Variants in SYT14 observed in about 807,000 individuals in gnomAD.
The protein encoded by SYT14 is synaptotagmin 14, also known as synaptotagmin-14.
In SYT14, 32 loss-of-function variants were observed where a neutral mutation model predicts 74.2. That is an observed-to-expected ratio of 0.43 (90% CI 0.33 to 0.58). SYT14 has a LOEUF of 0.58. SYT14 is among the 20% of genes least tolerant of loss of function. The pLI, the probability that SYT14 is intolerant of heterozygous loss-of-function variation, is 0.05. For synonymous variants in SYT14, 298 were observed against 337.7 expected (o/e 0.88, Z 1.29); for missense variants, 791 against 981.8 (o/e 0.81, Z 2.60).
intron 5 of SYT14, among the ~76,000 whole-genome samples, chr1:210,042,235 A>G (rs1004140966): frequency 1.2e-4 from 18 of 151,830 alleles, no homozygotes; most frequent in African/African-American, 4.1e-4. Context: ...TTACAAACAC[A>G]TTTCCTAAAA....
At chr1:210,039,389 T>G (rs749915359) in intron 5 of SYT14, among the ~76,000 whole-genome samples, 1 of 151,958 alleles carries the variant, frequency 6.6e-6, no homozygotes, top group Non-Finnish European at 1.5e-5. Context: ...CCAATCAAGA[T>G]GGATTAAAGA....
chr1:210,100,549 A>G, intron 7 of SYT14, 88 bp downstream of exon 6: 3 of 1,309,570 alleles, frequency 2.3e-6, no homozygotes, highest in Non-Finnish European at 3.3e-6. Context: ...CAAGCCAACA[A>G]GTTTGTCAGT....
chr1:209,975,292 A>G (rs942801357), intron 2 of SYT14, among the ~76,000 whole-genome samples: 2 of 152,204 alleles, frequency 1.3e-5, no homozygotes, highest in Non-Finnish European at 2.9e-5. Flanking sequence ...GTCAGTTTTC[A>G]AAGGGAATGC....
chr1:210,127,288 C>A (rs537509323), intron 7 of SYT14, among the ~76,000 whole-genome samples: 1 of 152,248 alleles, frequency 6.6e-6, no homozygotes, highest in African/African-American at 2.4e-5. Flanking sequence ...GTGGCTTGAG[C>A]AATCTATAAG....
intron 2 of SYT14, among the ~76,000 whole-genome samples, chr1:209,966,377 T>C (rs1328950883): frequency 3.3e-5 from 5 of 152,188 alleles, no homozygotes; most frequent in African/African-American, 4.8e-5. Flanking sequence ...AATAGCCTGG[T>C]GGAATTTTGG....
chr1:210,128,810 A>G (rs1033088599), intron 7 of SYT14, among the ~76,000 whole-genome samples: 1 of 152,234 alleles, frequency 6.6e-6, no homozygotes, highest in African/African-American at 2.4e-5. Context: ...TGATAGTAGC[A>G]TACACTAAAA....
chr1:210,073,804 T>A (rs2081438949), intron 5 of SYT14, among the ~76,000 whole-genome samples: 1 of 152,130 alleles, frequency 6.6e-6, no homozygotes, highest in East Asian at 1.9e-4. Flanking sequence ...TCTGTCTCTA[T>A]GTATATACAC....
At chr1:209,999,024 T>C (rs1309947259) in intron 2 of SYT14, among the ~76,000 whole-genome samples, 3 of 152,052 alleles carry the variant, frequency 2.0e-5, no homozygotes. Context: ...GGAGAAAATA[T>C]AAAGTATTAG....
At chr1:210,048,267 T>C (rs995184089) in intron 5 of SYT14, among the ~76,000 whole-genome samples, 1 of 152,204 alleles carries the variant, frequency 6.6e-6, no homozygotes, top group Non-Finnish European at 1.5e-5. Context: ...TCAAACCGAC[T>C]CCCACATCTT....
intron 5 of SYT14, among the ~76,000 whole-genome samples, chr1:210,064,627 T>A (rs1454415358): frequency 6.6e-6 from 1 of 152,090 alleles, no homozygotes; most frequent in Admixed American, 6.6e-5. Context: ...AATATTCTGC[T>A]GTATGTATAT....
chr1:210,061,219 A>G (rs2081202344), intron 5 of SYT14, among the ~76,000 whole-genome samples: 1 of 151,990 alleles, frequency 6.6e-6, no homozygotes. Flanking sequence ...TTGGTATGTC[A>G]GTAATACTGA....
chr1:210,092,579 C>G (rs944562471), intron 5 of SYT14, among the ~76,000 whole-genome samples: 1 of 152,208 alleles, frequency 6.6e-6, no homozygotes, highest in Non-Finnish European at 1.5e-5. Flanking sequence ...AATTAACTGC[C>G]TAAAACCACT....
rs192437738 is a variant in SYT14, at chr1:210,168,965, G to A, written c.*7923G>A. ...ACCCAAATGTCATTGCAATTCTAAT[G>A]GAGTAGAAGCCAGCTTCTTGGAAGT... is the stretch of plus-strand genomic sequence containing the variant. On this transcript the variant is annotated 3_prime_UTR_variant, in exon 10 of 10. Coordinates refer to ENST00000637265, the Ensembl canonical transcript of SYT14. The A allele has an allele frequency of 7.9e-5, 12 of 152,216 alleles. No homozygotes were observed. In the East Asian group the frequency reaches 2.3e-3, roughly 29 times the overall value. 9.4% of individuals were successfully genotyped at this position (152,216 alleles called of 1,614,324 possible).
intron 5 of SYT14, among the ~76,000 whole-genome samples, chr1:210,046,546 A>G (rs1187914805): frequency 6.6e-6 from 1 of 152,136 alleles, no homozygotes; most frequent in African/African-American, 2.4e-5. Flanking sequence ...CACCCTCAGT[A>G]TCAGGCAACC....
intron 5 of SYT14, among the ~76,000 whole-genome samples, chr1:210,026,070 C>T (rs1406252312): frequency 6.6e-6 from 1 of 151,206 alleles, no homozygotes; most frequent in Non-Finnish European, 1.5e-5. Flanking sequence ...GTTTTCTCCT[C>T]TAGGTGGCCA....
At chr1:209,966,857 A>G (rs1023072985) in intron 2 of SYT14, among the ~76,000 whole-genome samples, 1 of 152,192 alleles carries the variant, frequency 6.6e-6, no homozygotes, top group Non-Finnish European at 1.5e-5. Flanking sequence ...CTTCTAGTAC[A>G]ATGTTGAATA....
rs574968211 is a variant in SYT14, at chr1:210,112,052, G to A, written c.2034+11591G>A. On this transcript the variant is annotated intron_variant, in intron 7 of 9. Coordinates refer to ENST00000637265, the Ensembl canonical transcript of SYT14. ...ACTAGTAAAGGCCGGTCCGTTATCA[G>A]ACTGTACAGAGGTGGGAAGGCCAAA... is the stretch of plus-strand genomic sequence containing the variant. Among the ~76,000 whole-genome samples the A allele has an allele frequency of 7.3e-5, 11 of 151,426 alleles. No individual in the cohort carries two copies. In the South Asian group the frequency reaches 2.1e-3, roughly 29 times the overall value.
At chr1:210,118,040 T>G (rs893608083) in intron 7 of SYT14, among the ~76,000 whole-genome samples, 23 of 152,238 alleles carry the variant, frequency 1.5e-4, no homozygotes, top group African/African-American at 5.5e-4. Flanking sequence ...TTTCCTTTGC[T>G]GCTCTATTTT....
intron 5 of SYT14, among the ~76,000 whole-genome samples, chr1:210,036,162 G>A (rs1315147123): frequency 6.6e-6 from 1 of 151,350 alleles, no homozygotes; most frequent in Non-Finnish European, 1.5e-5. Flanking sequence ...TTGTTTGTTT[G>A]TTTTTGTTTT....
Sources: allele counts gnomAD v4.1 joint callset (sites outside exome capture counted in the v4.1 genomes callset), GRCh38; gene constraint gnomAD v4.1.1; transcripts MANE v1.5; gene names NCBI Gene and HGNC (gene_info 2026-07-23, HGNC 2026-07-21).